The following DGKB variants were observed in gnomAD, a reference collection of about 807,000 sequenced individuals.
DGKB encodes the protein diacylglycerol kinase beta.
A neutral mutation model predicts 114.3 loss-of-function variants in DGKB; 67 were observed. The observed-to-expected ratio is 0.59, with a 90% confidence interval of 0.48 to 0.72. The LOEUF (loss-of-function observed/expected upper bound fraction) is 0.72, where lower values mean the gene tolerates loss of function less well. Among genes scored for constraint, DGKB ranks in the 30% least tolerant of loss-of-function variants. The pLI is 0.00. For synonymous variants in DGKB, 398 were observed against 323.1 expected (o/e 1.23, Z -2.49); for missense variants, 907 against 975.2 (o/e 0.93, Z 0.93).
Position 14,531,672 on chromosome 7 carries a change from T to G in DGKB, c.1770+42540A>C, listed in dbSNP as rs573808638. ...ATCAAAATGACAGCAGATTTTTTTTTTGAGAAATCAACAAGATGATTCTAT... is the reference window on the plus strand; with the variant it reads ...ATCAAAATGACAGCAGATTTTTTTTGTGAGAAATCAACAAGATGATTCTAT... On this transcript the variant is annotated intron_variant, in intron 20 of 25. Coordinates refer to ENST00000402815, the MANE Select transcript of DGKB (RefSeq NM_001350709.2). Among the ~76,000 whole-genome samples the G allele has an allele frequency of 8.0e-3, 1,209 of 151,382 alleles. 16 individuals are homozygous for G. Among genetic ancestry groups the G allele is most frequent in the African/African-American group, 0.026 (1,064 of 41,466 alleles).
In DGKB at chr7:14,193,844, G is replaced by C. The variant is rs1295280189; in HGVS notation, c.2123-15693C>G. On this transcript the variant is annotated intron_variant, in intron 23 of 25. Coordinates refer to ENST00000402815, the MANE Select transcript of DGKB (RefSeq NM_001350709.2). Reference sequence around the variant, plus strand: ...TATAAAGGAACACAAACAACTCAATGGGAAAAAAACCCCCAAATACCTCAT... The same window carrying C: ...TATAAAGGAACACAAACAACTCAATCGGAAAAAAACCCCCAAATACCTCAT... Among the ~76,000 whole-genome samples, 4 of 151,566 alleles carry C rather than the reference G, an allele frequency of 2.6e-5. 1 individual carries two copies. The highest frequency in any genetic ancestry group is 4.4e-5 in the Non-Finnish European group (3 of 67,904).
chr7:14,893,831 A>G (rs1781682428), intron 1 of DGKB, among the ~76,000 whole-genome samples: 3 of 151,468 alleles, frequency 2.0e-5, no homozygotes, highest in Admixed American at 2.0e-4. Flanking sequence ...CCCATCTCCT[A>G]TAGCAACATG....
chr7:14,305,403 C>T (rs540452132), intron 23 of DGKB, among the ~76,000 whole-genome samples: 14 of 152,020 alleles, frequency 9.2e-5, no homozygotes, highest in Non-Finnish European at 1.3e-4. Flanking sequence ...TGCCTTCTTG[C>T]TTCATTTTTG....
rs372883232 is a variant in DGKB at position 14,612,154 on chromosome 7, C to CATTTTATTTT, written c.1358+1176_1358+1185dup. On this transcript the variant is annotated intron_variant, in intron 16 of 25. Coordinates refer to ENST00000402815, the MANE Select transcript of DGKB (RefSeq NM_001350709.2). ...TGATGAAAAGAAAAAATCTTATACT[C>CATTTTATTTT]ATTTTATTTTATTTTATTTTATTTT... Among the ~76,000 whole-genome samples the CATTTTATTTT allele has an allele frequency of 9.4e-3, 1,368 of 145,882 alleles. 21 individuals carry two copies. Among genetic ancestry groups the CATTTTATTTT allele is most frequent in the African/African-American group, 0.031 (1,230 of 40,156 alleles).
rs985980152 is a variant in DGKB at position 14,489,983 on chromosome 7, G to C, written c.1771-11758C>G. On this transcript the variant is annotated intron_variant, in intron 20 of 25. Transcript: ENST00000402815. Reference sequence around the variant, plus strand: ...GAACTAGAAATAATATAACTTTCACGGCAAAAGTCTGAAAGTAAGGTTCTC... The same window carrying C: ...GAACTAGAAATAATATAACTTTCACCGCAAAAGTCTGAAAGTAAGGTTCTC... Among the ~76,000 whole-genome samples, 3 of 152,066 alleles carry C rather than the reference G, an allele frequency of 2.0e-5. No homozygotes were observed. In the South Asian group the frequency reaches 6.2e-4, roughly 32 times the overall value.
chr7:14,884,556 T>A (rs1481102806), intron 1 of DGKB, among the ~76,000 whole-genome samples: 1 of 151,946 alleles, frequency 6.6e-6, no homozygotes, highest in African/African-American at 2.4e-5. Context: ...ACAGCCTGAC[T>A]TTTTCTGAGG....
At chr7:14,646,570 A>C (rs1813060442) in intron 13 of DGKB, among the ~76,000 whole-genome samples, 1 of 152,172 alleles carries the variant, frequency 6.6e-6, no homozygotes, top group African/African-American at 2.4e-5. Flanking sequence ...GGACATTTGC[A>C]AGGATAGACT....
At chr7:14,947,127 G>A (rs1024794315) in intron 1 of DGKB, among the ~76,000 whole-genome samples, 4 of 151,398 alleles carry the variant, frequency 2.6e-5, no homozygotes, top group African/African-American at 9.7e-5. Context: ...CATTTACTAG[G>A]AAAGCAAAAT....
chr7:14,790,606 T>G (rs1349269922), intron 2 of DGKB, among the ~76,000 whole-genome samples: 1 of 152,176 alleles, frequency 6.6e-6, no homozygotes, highest in African/African-American at 2.4e-5. Context: ...TTGTCAGAAA[T>G]TATTTAGGCA....
chr7:14,894,410 G>T (rs185681080), intron 1 of DGKB, among the ~76,000 whole-genome samples: 1 of 151,378 alleles, frequency 6.6e-6, no homozygotes, highest in African/African-American at 2.4e-5. Flanking sequence ...AGACACAGGC[G>T]CTAATTTCTT....
At chr7:14,433,591 C>A (rs1828805022) in intron 21 of DGKB, among the ~76,000 whole-genome samples, 1 of 152,064 alleles carries the variant, frequency 6.6e-6, no homozygotes. Context: ...AAGATTAAAT[C>A]ATATATTTAA....
At chr7:14,152,357 G>C (rs927646463) in intron 25 of DGKB, among the ~76,000 whole-genome samples, 10 of 152,032 alleles carry the variant, frequency 6.6e-5, no homozygotes, top group Non-Finnish European at 1.0e-4. Context: ...TAGTTTCTAA[G>C]AGACTCTGAC....
chr7:14,938,035 G>T (rs965290174), intron 1 of DGKB, among the ~76,000 whole-genome samples: 1 of 152,142 alleles, frequency 6.6e-6, no homozygotes, highest in African/African-American at 2.4e-5. Flanking sequence ...TAAATATTTT[G>T]TTGTGCTGCG....
At chr7:14,373,686 A>G (rs112901877) in intron 21 of DGKB, among the ~76,000 whole-genome samples, 140 of 152,204 alleles carry the variant, frequency 9.2e-4, no homozygotes, top group African/African-American at 3.4e-3. Context: ...TTGGCTATCC[A>G]TATTCTCTGA....
At chr7:14,595,246 T>C (rs960509510) in intron 17 of DGKB, among the ~76,000 whole-genome samples, 8 of 151,990 alleles carry the variant, frequency 5.3e-5, no homozygotes, top group Non-Finnish European at 7.4e-5. Context: ...AGATGACAAA[T>C]CTTGAAAGCC....
chr7:14,362,952 G>C (rs1463977448), intron 21 of DGKB, among the ~76,000 whole-genome samples: 1 of 151,978 alleles, frequency 6.6e-6, no homozygotes, highest in Non-Finnish European at 1.5e-5. Context: ...TTTGACTCAT[G>C]GAACATTACA....
intron 23 of DGKB, among the ~76,000 whole-genome samples, chr7:14,231,655 T>A (rs1423562182): frequency 6.6e-6 from 1 of 151,890 alleles, no homozygotes; most frequent in Non-Finnish European, 1.5e-5. Flanking sequence ...CATATATTTA[T>A]ATATAGTCTT....
rs781569705 is a variant in DGKB, at chr7:14,265,318, C to CTTTTTTTTTTTTTT, written c.2122+73183_2122+73196dup. Among the ~76,000 whole-genome samples the CTTTTTTTTTTTTTT allele has an allele frequency of 2.3e-3, 155 of 67,726 alleles. 16 individuals are homozygous for CTTTTTTTTTTTTTT. Among genetic ancestry groups the CTTTTTTTTTTTTTT allele is most frequent in the East Asian group, 0.012 (16 of 1,362 alleles). The allele number at this position is 67,726 out of a possible 152,430, so 44.4% of individuals were successfully genotyped here. Reference sequence around the variant, plus strand: ...GGACTGCTGTCTTTTCTCTTGCATTCTTTTTTTTTTTTTTTTTTTTGCTTA... The same window carrying CTTTTTTTTTTTTTT: ...GGACTGCTGTCTTTTCTCTTGCATTCTTTTTTTTTTTTTTTTTTTTTTTTTTTTTTTTTTGCTTA... On this transcript the variant is annotated intron_variant, in intron 23 of 25. Transcript: ENST00000402815.
intron 2 of DGKB, among the ~76,000 whole-genome samples, chr7:14,829,125 A>G (rs1372154904): frequency 3.3e-5 from 5 of 152,028 alleles, no homozygotes; most frequent in African/African-American, 1.2e-4. Context: ...AGAATTTCCA[A>G]TCTTTACCTT....
Sources: allele counts gnomAD v4.1 joint callset (sites outside exome capture counted in the v4.1 genomes callset), GRCh38; gene constraint gnomAD v4.1.1; transcripts MANE v1.5; gene names NCBI Gene and HGNC (gene_info 2026-07-23, HGNC 2026-07-21).